NOMO3: variants seen among roughly 807,000 people sequenced by gnomAD.
NOMO3 encodes the protein BOS complex subunit NOMO3.
In NOMO3, 15 loss-of-function variants were observed where a neutral mutation model predicts 69.9. The ratio of observed to expected loss-of-function variants is 0.21; its 90% CI spans 0.14 to 0.33. The LOEUF (loss-of-function observed/expected upper bound fraction) is 0.33, where lower values mean the gene tolerates loss of function less well. NOMO3 is among the 10% of genes least tolerant of loss of function. The pLI is 1.00. For missense variants in NOMO3, 218 were observed against 761.0 expected, an observed-to-expected ratio of 0.29 and a Z score of 8.39; for synonymous variants, 89 against 301.9, an observed-to-expected ratio of 0.29 and a Z score of 7.31.
chr16:16,238,697 G>T (rs1415114107), intron 2 of NOMO3, among the ~76,000 whole-genome samples: 3 of 142,600 alleles, frequency 2.1e-5, no homozygotes, highest in Non-Finnish European at 4.5e-5. Flanking sequence ...CATCCAGAAT[G>T]CATAGGATTG....
At chr16:16,260,255 A>G (rs2049551624) in intron 11 of NOMO3, among the ~76,000 whole-genome samples, 1 of 130,180 alleles carries the variant, frequency 7.7e-6, no homozygotes, top group African/African-American at 3.6e-5. Context: ...GGCAGAGCGC[A>G]ACACAACTAC....
chr16:16,274,298 G>GATGGATGA (rs1458468391), intron 20 of NOMO3, among the ~76,000 whole-genome samples: 25 of 128,294 alleles, frequency 1.9e-4, no homozygotes, highest in Non-Finnish European at 3.2e-4. Context: ...TGGATGGATG[G>GATGGATGA]ATGAATGAAT....
At chr16:16,234,028 ACAAGCG>A (rs2049304909) in intron 1 of NOMO3, among the ~76,000 whole-genome samples, 1 of 149,910 alleles carries the variant, frequency 6.7e-6, no homozygotes, top group South Asian at 2.1e-4. Context: ...CATTTCTTTA[ACAAGCG>A]GATCCGTGAT....
At chr16:16,250,785 CAAGAA>C (rs2049455370) in intron 6 of NOMO3, 138 bp from the exon 7 acceptor site, 1 of 475,090 alleles carries the variant, frequency 2.1e-6, no homozygotes, top group African/African-American at 3.8e-5. Context: ...GACTCCGTCT[CAAGAA>C]AAGAAGTGAT....
In NOMO3 at chr16:16,247,419, T is replaced by C. The variant is rs2141250533; in HGVS notation, c.534T>C (p.Pro178=). 4.2e-6 allele frequency: 1 copy of C among 238,782 alleles called. No homozygotes were observed. Among genetic ancestry groups the C allele is most frequent in the Non-Finnish European group, 7.2e-6 (1 of 139,172 alleles). 14.8% of individuals were successfully genotyped at this position (238,782 alleles called of 1,614,324 possible). Residue 178 remains proline (P), a synonymous_variant, in exon 6 of 31, where the codon CCT becomes CCC. Transcript: ENST00000399336. ...GGKFAFFKVL[P]GDYEILATHP... Reference sequence around the variant, plus strand: ...GGTTTGCATTTTTTAAAGTTCTGCCTGGAGATTATGAAATCCTCGCAACTC... The same window carrying C: ...GGTTTGCATTTTTTAAAGTTCTGCCCGGAGATTATGAAATCCTCGCAACTC...
At chr16:16,235,275 C>G (rs1196450303) in intron 1 of NOMO3, among the ~76,000 whole-genome samples, 5 of 150,772 alleles carry the variant, frequency 3.3e-5, no homozygotes, top group African/African-American at 1.2e-4. Flanking sequence ...CGGCTCGTGT[C>G]ATGGTTTGTT....
At chr16:16,269,143 G>A (rs1304721611) in intron 16 of NOMO3, among the ~76,000 whole-genome samples, 1 of 144,152 alleles carries the variant, frequency 6.9e-6, no homozygotes, top group Non-Finnish European at 1.5e-5. Context: ...CATCAGTTCA[G>A]TATTGCTTCC....
At chr16:16,250,901 AC>A in intron 6 of NOMO3, 26 bp from the exon 7 acceptor site, 2 of 625,834 alleles carry the variant, frequency 3.2e-6, no homozygotes, top group Non-Finnish European at 5.2e-6. Context: ...TTATTTTTTT[AC>A]AGGTTAAAAT....
chr16:16,241,206 G>C (rs373063487), intron 3 of NOMO3, among the ~76,000 whole-genome samples: 18 of 144,320 alleles, frequency 1.2e-4, no homozygotes, highest in Admixed American at 5.4e-4. Flanking sequence ...CCACCACCCT[G>C]ACCTTCTACA....
In NOMO3 at chr16:16,232,800, C is replaced by T; in HGVS notation, c.134C>T (p.Ser45Leu). Residue 45 changes from serine to leucine, a missense_variant, in exon 1 of 31, where the codon TCG (serine) becomes TTG (leucine). Physicochemically the swap from Ser to Leu is moderately radical, Grantham distance 145. Transcript: ENST00000399336. ...GTGGGCTGCGGTGGCTTCGTCAAGT[C>T]GGACGTGGAGATCAACTACTCTCTC... The part of the protein sequence containing the change: ...IVVGCGGFVK[S>L]DVEINYSLIE... 1 of 531,278 alleles carries T rather than the reference C, an allele frequency of 1.9e-6. No homozygotes were observed. Among genetic ancestry groups the T allele is most frequent in the Non-Finnish European group, 2.6e-6 (1 of 380,948 alleles). 32.9% of individuals were successfully genotyped at this position (531,278 alleles called of 1,614,324 possible).
At chr16:16,259,503 T>C (rs2049546191) in intron 11 of NOMO3, among the ~76,000 whole-genome samples, 2 of 128,808 alleles carry the variant, frequency 1.6e-5, no homozygotes, top group Non-Finnish European at 3.1e-5. Flanking sequence ...CTAATTTTTA[T>C]ATTTTTTAGT....
intron 10 of NOMO3, 48 bp downstream of exon 10, chr16:16,255,873 A>T (rs1484925106): frequency 3.3e-6 from 5 of 1,494,804 alleles, no homozygotes; most frequent in Non-Finnish European, 3.6e-6. Flanking sequence ...CTCTTTTTGG[A>T]TCACAGAGAG....
At chr16:16,273,038 CTT>C (rs1444582757) in intron 18 of NOMO3, among the ~76,000 whole-genome samples, 4 of 122,508 alleles carry the variant, frequency 3.3e-5, no homozygotes, top group Non-Finnish European at 6.9e-5. Flanking sequence ...TCTCCAAGGA[CTT>C]TGCACTTGGC....
intron 17 of NOMO3, 114 bp downstream of exon 17, chr16:16,270,298 T>G: frequency 6.4e-7 from 1 of 1,561,274 alleles, no homozygotes; most frequent in Admixed American, 1.8e-5. Context: ...AGAGGCAAGG[T>G]TAGGCCTTCA....
At chr16:16,234,278 C>T (rs2049307980) in intron 1 of NOMO3, among the ~76,000 whole-genome samples, 1 of 148,682 alleles carries the variant, frequency 6.7e-6, no homozygotes, top group African/African-American at 2.5e-5. Context: ...CCGCTAAGGC[C>T]TCTTGCAACT....
intron 6 of NOMO3, among the ~76,000 whole-genome samples, chr16:16,250,050 G>A (rs1315699036): frequency 1.5e-5 from 2 of 134,678 alleles, no homozygotes; most frequent in African/African-American, 3.2e-5. Flanking sequence ...GCACTGTTGC[G>A]TGATTGGAAA....
At chr16:16,250,370 A>T in intron 6 of NOMO3, among the ~76,000 whole-genome samples, 1 of 101,270 alleles carries the variant, frequency 9.9e-6, no homozygotes, top group Admixed American at 1.1e-4. Flanking sequence ...ATAGAGGAAT[A>T]TAAAGCAGTG....
At chr16:16,235,755 T>A in intron 1 of NOMO3, 1 of 429,978 alleles carries the variant, frequency 2.3e-6, no homozygotes, top group Non-Finnish European at 4.6e-6. Flanking sequence ...TGATCCTCCT[T>A]CTTTGGCCTC....
Position 16,270,129 on chromosome 16 carries a change from A to G in NOMO3, c.1903A>G (p.Lys635Glu). ...RFCLSKPGVY[K>E]VTPRSCHRFE... Reference sequence around the variant, plus strand: ...TGATTTCCTGTCTGTAGGTGTGTACAAAGTGACCCCTCGCTCCTGCCACCG... The same window carrying G: ...TGATTTCCTGTCTGTAGGTGTGTACGAAGTGACCCCTCGCTCCTGCCACCG... Residue 635 changes from lysine to glutamate, a missense_variant, in exon 17 of 31, where the codon AAA becomes GAA. Lys to Glu is a moderately conservative substitution (Grantham distance 56). Transcript: ENST00000399336. 6.4e-7 allele frequency: 1 copy of G among 1,555,702 alleles called. No homozygotes were observed. The highest frequency in any genetic ancestry group is 1.1e-5 in the South Asian group (1 of 87,754).
Sources: allele counts gnomAD v4.1 joint callset (sites outside exome capture counted in the v4.1 genomes callset), GRCh38; gene constraint gnomAD v4.1.1; transcripts MANE v1.5; gene names NCBI Gene and HGNC (gene_info 2026-07-23, HGNC 2026-07-21).